Variants in PRDM15 observed in about 807,000 individuals in gnomAD.
PRDM15 encodes the protein PR/SET domain 15.
Under a neutral mutation model 128.6 loss-of-function variants are expected in PRDM15, and 64 were observed. The ratio of observed to expected loss-of-function variants is 0.50; its 90% CI spans 0.41 to 0.61. The LOEUF (loss-of-function observed/expected upper bound fraction) is 0.61. Among genes scored for constraint, PRDM15 ranks in the 20% least tolerant of loss-of-function variants. PRDM15 has a pLI of 0.00. For synonymous variants in PRDM15, 615 were observed against 621.8 expected (o/e 0.99, Z 0.16); for missense variants, 1,242 against 1,569.1 (o/e 0.79, Z 3.52).
chr21:41,869,281 T>C (rs77143187), intron 1 of PRDM15, among the ~76,000 whole-genome samples: 1 of 152,182 alleles, frequency 6.6e-6, no homozygotes, highest in East Asian at 1.9e-4. Flanking sequence ...TTCTCCTACG[T>C]TTCTTAGAAA....
chr21:41,822,723 G>A (rs1157380347), intron 14 of PRDM15, among the ~76,000 whole-genome samples: 1 of 152,218 alleles, frequency 6.6e-6, no homozygotes, highest in Non-Finnish European at 1.5e-5. Context: ...ATTAGGTCAT[G>A]AGGCTGGAGC....
chr21:41,829,048 GCA>G (rs1251582906), intron 11 of PRDM15, among the ~76,000 whole-genome samples: 4 of 107,032 alleles, frequency 3.7e-5, no homozygotes, highest in East Asian at 3.0e-4. Context: ...CCACCCAAAT[GCA>G]CAATCACACA....
chr21:41,808,179 T>C (rs2061741691), intron 21 of PRDM15, among the ~76,000 whole-genome samples: 1 of 152,240 alleles, frequency 6.6e-6, no homozygotes. Context: ...CACGGGCTGC[T>C]GGGTGGGCTG....
chr21:41,854,700 TG>T lies in PRDM15; in HGVS notation c.403del (p.Gln135SerfsTer37). 1.2e-6 allele frequency: 2 copies of T among 1,613,552 alleles called. No homozygotes were observed. Among genetic ancestry groups the T allele is most frequent in the South Asian group, 2.2e-5 (2 of 91,084 alleles). ...GGTGAAGTACACGTCGCTGCCGTGC[TG>T]GTAGGCCGTCAGGTTCTGGTGCTCG... is the stretch of plus-strand genomic sequence containing the variant. ...EAEHQNLTAYQHGSDVYFTTS... is the reference protein window; with the variant it reads ...EAEHQNLTAYXHGSDVYFTTS... On this transcript the variant is annotated frameshift_variant, in exon 5 of 24. Transcript: ENST00000398548. LOFTEE classifies it high-confidence loss of function. The surrounding 1 kb of genome is among the most constrained non-coding windows in gnomAD (Gnocchi z 4.6).
At chr21:41,809,826 C>T (rs1237719730) in intron 21 of PRDM15, among the ~76,000 whole-genome samples, 2 of 152,220 alleles carry the variant, frequency 1.3e-5, no homozygotes, top group African/African-American at 4.8e-5. Flanking sequence ...GGCCCCAACA[C>T]CACGTGGAGC....
rs1460846736 is a variant in PRDM15 at position 41,821,857 on chromosome 21, C to T, written c.1896+46G>A. On this transcript the variant is annotated intron_variant, in intron 15 of 23. Coordinates refer to ENST00000398548, the MANE Select transcript of PRDM15 (RefSeq NM_001040424.3). This position sits in a 1 kb window ranked among gnomAD's most constrained non-coding sequence, Gnocchi z 5.4. Reference sequence around the variant, plus strand: ...GGGCCCACAGCCTTGAAACGACCACCTTCCTCTCCAGACCACCCAGGCACC... The same window carrying T: ...GGGCCCACAGCCTTGAAACGACCACTTTCCTCTCCAGACCACCCAGGCACC... 6.2e-7 allele frequency: 1 copy of T among 1,610,246 alleles called. No individual in the cohort carries two copies. The highest frequency in any genetic ancestry group is 1.7e-5 in the Admixed American group (1 of 60,018).
At chr21:41,807,599 C>CCT (rs71188684) in intron 21 of PRDM15, among the ~76,000 whole-genome samples, 120,019 of 151,784 alleles carry the variant, frequency 0.79, 47,764 homozygotes, top group African/African-American at 0.88. Context: ...AATCACTTTG[C>CCT]CTCTGTCTAC....
chr21:41,857,100 C>A, intron 4 of PRDM15, 76 bp downstream of exon 4: 1 of 1,356,000 alleles, frequency 7.4e-7, no homozygotes, highest in Non-Finnish European at 1.0e-6. Context: ...ACTCAGTGGT[C>A]CTTGCTCCCC....
At position 41,819,678 on chromosome 21, in the gene PRDM15, G is replaced by T; in HGVS notation, c.2164C>A (p.Gln722Lys). 1 of 1,606,374 alleles carries T rather than the reference G, an allele frequency of 6.2e-7. No homozygotes were observed. The change falls in exon 18 of 24, where the codon CAG (glutamine) becomes AAG (lysine). Residue 722 changes from glutamine to lysine, a missense_variant. By Grantham distance (53) the Gln-to-Lys change is moderately conservative. Around this residue, in one of 3 missense-constraint regions of PRDM15, gnomAD observed 602 missense variants for 788.3 expected, o/e 0.76. Transcript: ENST00000398548. ...HTGVKSHACE[Q>K]CGKSFARKDM... ...TTCCTGGCAAAGGACTTCCCACACT[G>T]CTCGCAGGCGTGGCTCTTCACACCT...
At chr21:41,842,045 TAGAA>T (rs2063089105) in intron 6 of PRDM15, among the ~76,000 whole-genome samples, 1 of 152,176 alleles carries the variant, frequency 6.6e-6, no homozygotes, top group Non-Finnish European at 1.5e-5. Flanking sequence ...TCCAACTTGT[TAGAA>T]AGGCACAGAA....
In PRDM15 at chr21:41,836,442, G is replaced by C. The variant is rs1160222788; in HGVS notation, c.1183+26C>G. The C allele has an allele frequency of 1.9e-6, 3 of 1,596,796 alleles. No homozygotes were observed. In the East Asian group the frequency reaches 6.7e-5, roughly 36 times the overall value. On this transcript the variant is annotated intron_variant, in intron 9 of 23. Coordinates refer to ENST00000398548, the MANE Select transcript of PRDM15 (RefSeq NM_001040424.3). ...GCCCCAGTCCTGGCCCTGGCCCCGGGCGCCAGCCGGGCCTCGCGGACTCAC... is the reference window on the plus strand; with the variant it reads ...GCCCCAGTCCTGGCCCTGGCCCCGGCCGCCAGCCGGGCCTCGCGGACTCAC...
chr21:41,861,692 G>A (rs781055090), intron 1 of PRDM15: 30 of 1,614,058 alleles, frequency 1.9e-5, no homozygotes, highest in Non-Finnish European at 2.5e-5. Flanking sequence ...GCAGCTTGAA[G>A]GGTGAAAAGC....
At chr21:41,806,340 T>G (rs868346735) in intron 21 of PRDM15, among the ~76,000 whole-genome samples, 1 of 3,038 alleles carries the variant, frequency 3.3e-4, no homozygotes, top group Non-Finnish European at 5.4e-4. Context: ...ACCATCACCA[T>G]CACCACCACC....
chr21:41,856,857 C>T (rs965716129), intron 4 of PRDM15, among the ~76,000 whole-genome samples: 16 of 152,222 alleles, frequency 1.1e-4, no homozygotes, highest in Non-Finnish European at 1.5e-5. Context: ...CCCTGCAAGA[C>T]GCTGCCTCGT....
At position 41,835,510 on chromosome 21, in the gene PRDM15, G is replaced by A. The variant is rs1427424117; in HGVS notation, c.1293C>T (p.Tyr431=). 5 of 1,609,156 alleles carry A rather than the reference G, an allele frequency of 3.1e-6. No homozygotes were observed. The highest frequency in any genetic ancestry group is 3.4e-6 in the Non-Finnish European group (4 of 1,179,448). Residue 431 remains tyrosine, a synonymous_variant, in exon 11 of 24, where the codon TAC becomes TAT. Transcript: ENST00000398548. Reference sequence around the variant, plus strand: ...TCTCACAAGTGCCGCAGCGGTACCTGTACTCGCCGTCCACCTGGTCAGAGG... The same window carrying A: ...TCTCACAAGTGCCGCAGCGGTACCTATACTCGCCGTCCACCTGGTCAGAGG... ...KHSRNEVDGE[Y]RYRCGTCEKT...
intron 21 of PRDM15, among the ~76,000 whole-genome samples, chr21:41,806,659 C>CCAGCACCACCCATCACTACCACCACCAT (rs1934327001): frequency 3.5e-4 from 1 of 2,846 alleles, no homozygotes; most frequent in Admixed American, 4.5e-3. Context: ...ACCATCACCA[C>CCAGCACCACCCATCACTACCACCACCAT]CACCACCATC....
chr21:41,810,355 T>A lies in PRDM15; in HGVS notation c.2477-26A>T. 6.3e-7 allele frequency: 1 copy of A among 1,598,302 alleles called. No homozygotes were observed. The highest frequency in any genetic ancestry group is 1.7e-5 in the Admixed American group (1 of 59,444). On this transcript the variant is annotated intron_variant, in intron 20 of 23. Transcript: ENST00000398548. The surrounding 1 kb of genome is among the most constrained non-coding windows in gnomAD (Gnocchi z 6.4). ...CTTTTCACACACACGCAGACACACA[T>A]GCGCGTGGAAAGGAAGAGACACGCA...
chr21:41,816,848 C>A (rs2062070945), intron 18 of PRDM15, among the ~76,000 whole-genome samples: 1 of 150,896 alleles, frequency 6.6e-6, no homozygotes, highest in Admixed American at 6.6e-5. Context: ...TTACCAATGA[C>A]CGAAGAGTGA....
intron 1 of PRDM15, among the ~76,000 whole-genome samples, chr21:41,873,593 A>G (rs992040572): frequency 6.6e-5 from 10 of 152,144 alleles, no homozygotes; most frequent in African/African-American, 2.4e-4. Flanking sequence ...GCCTTCAACC[A>G]TGCCCTTCAG....
Sources: gnomAD v4.1 joint callset for allele counts (sites outside exome capture counted in the v4.1 genomes callset) on GRCh38, gnomAD v4.1.1 for gene constraint, gnomAD v4.1.1 regional missense constraint, Gnocchi (gnomAD v3.1) non-coding constraint, MANE v1.5 for transcripts, NCBI Gene and HGNC (gene_info 2026-07-23, HGNC 2026-07-21) for gene names.